The following BFSP1 variants were observed in gnomAD, a reference collection of about 807,000 sequenced individuals.
BFSP1 encodes filensin.
A neutral mutation model predicts 43.9 loss-of-function variants in BFSP1; 38 were observed. That is an observed-to-expected ratio of 0.87 (90% CI 0.67 to 1.14). The LOEUF (loss-of-function observed/expected upper bound fraction) is 1.14. BFSP1 is among the 50% of genes most tolerant of loss of function. The pLI is 0.00. For missense variants in BFSP1, 850 were observed against 875.1 expected (o/e 0.97, Z 0.36); for synonymous variants, 352 against 354.8 (o/e 0.99, Z 0.09).
upstream of BFSP1, among the ~76,000 whole-genome samples, chr20:17,533,401 TG>T (rs1312165035): frequency 2.0e-5 from 3 of 152,196 alleles, no homozygotes; most frequent in Non-Finnish European, 2.9e-5. Flanking sequence ...AGTCAAATAT[TG>T]CTACAGAACA....
At chr20:17,537,568 C>CAAAAAAAAA (rs901895418) in intron 1 of BFSP1, among the ~76,000 whole-genome samples, 20 of 63,816 alleles carry the variant, frequency 3.1e-4, no homozygotes, top group African/African-American at 4.0e-4. Context: ...ACTGAAGCAC[C>CAAAAAAAAA]AAAAAAAAAA....
At chr20:17,515,043 A>G (rs1233335650) in intron 2 of BFSP1, among the ~76,000 whole-genome samples, 2 of 152,174 alleles carry the variant, frequency 1.3e-5, no homozygotes. Flanking sequence ...TTGCCCCCCA[A>G]GGGGACATTT....
intron 4 of BFSP1, among the ~76,000 whole-genome samples, chr20:17,510,202 G>C (rs997143827): frequency 1.3e-5 from 2 of 152,218 alleles, no homozygotes; most frequent in Non-Finnish European, 2.9e-5. Context: ...CAGTGGGTCT[G>C]AGGCTGGACT....
intron 3 of BFSP1, 140 bp downstream of exon 3, chr20:17,514,581 T>A (rs910906149): frequency 2.6e-6 from 2 of 777,030 alleles, no homozygotes; most frequent in African/African-American, 3.4e-5. Flanking sequence ...CAGTGACCAA[T>A]TCACCCCTAT....
intron 3 of BFSP1, among the ~76,000 whole-genome samples, chr20:17,512,393 G>A (rs2034105636): frequency 7.0e-6 from 1 of 143,846 alleles, no homozygotes; most frequent in African/African-American, 2.6e-5. Flanking sequence ...AAAGCCCTGG[G>A]TGGCGGAGGC....
rs1439540750 is a variant in BFSP1 at position 17,494,086 on chromosome 20, C to T, written c.1986G>A (p.Glu662=). 1.9e-6 allele frequency: 3 copies of T among 1,612,378 alleles called. No homozygotes were observed. The highest frequency in any genetic ancestry group is 4.5e-5 in the East Asian group (2 of 44,862). ...AAGCCTGGGCATTTTAAGAGCTCTT[C>T]TCTCCTGATTTCTTCTTGTCTGACT... is the stretch of plus-strand genomic sequence containing the variant. ...KTKSDKKKSG[E]KSS The change falls in exon 8 of 8, where the codon GAG becomes GAA. Residue 662 remains glutamate (E), a synonymous_variant. Transcript: ENST00000377873.
chr20:17,494,157 A>C lies in BFSP1; in HGVS notation c.1915T>G (p.Tyr639Asp). The change falls in exon 8 of 8, where the codon TAT (tyrosine) becomes GAT (aspartate). Residue 639 changes from tyrosine to aspartate, a missense_variant. Tyr to Asp is a radical substitution (Grantham distance 160). Transcript: ENST00000377873. The part of the protein sequence containing the change: ...EKISTESIQT[Y>D]EETAVIVETM... ...TCCACGATCACAGCGGTTTCTTCAT[A>C]TGTCTGAATGCTCTCCGTGGAAATC... is the stretch of plus-strand genomic sequence containing the variant. The C allele has an allele frequency of 6.2e-7, 1 of 1,614,132 alleles. No homozygotes were observed.
At chr20:17,540,781 G>A (rs1223130202) in intron 1 of BFSP1, among the ~76,000 whole-genome samples, 1 of 152,130 alleles carries the variant, frequency 6.6e-6, no homozygotes, top group East Asian at 1.9e-4. Context: ...AGATCAAAAA[G>A]ACTCCCTTCC....
intron 1 of BFSP1, among the ~76,000 whole-genome samples, chr20:17,527,750 A>AAG (rs10604740): frequency 2.0e-5 from 3 of 150,504 alleles, no homozygotes; most frequent in East Asian, 1.9e-4. Context: ...AAAATAAAAT[A>AAG]AGAGAGAGAG....
intron 2 of BFSP1, among the ~76,000 whole-genome samples, chr20:17,518,225 A>G (rs1264188379): frequency 6.6e-6 from 1 of 152,260 alleles, no homozygotes; most frequent in Non-Finnish European, 1.5e-5. Flanking sequence ...AAAAAGGGAC[A>G]CATTTTTCCA....
upstream of BFSP1, among the ~76,000 whole-genome samples, chr20:17,535,529 C>T (rs1285061246): frequency 6.6e-6 from 1 of 151,712 alleles, no homozygotes. Flanking sequence ...GACTTCATCT[C>T]AAAAAAAGGA....
At chr20:17,560,724 G>C (rs1600688888), upstream of BFSP1, 1 of 152,268 alleles carries the variant, frequency 6.6e-6, no homozygotes, top group Non-Finnish European at 1.5e-5. Context: ...CCTCTGGGGT[G>C]GGCGCTTTGC....
rs116127532 is a variant in BFSP1, at chr20:17,516,001, C to T, written c.439-1185G>A. ...CCCCACCCTTGTGCTACTAGGGTTT[C>T]GGTCTGGCAAGGCCTTGAGACTGCA... On this transcript the variant is annotated intron_variant, in intron 2 of 7. Transcript: ENST00000377873. Among the ~76,000 whole-genome samples, 210 of 152,256 alleles carry T rather than the reference C, an allele frequency of 1.4e-3. 1 individual carries two copies. The highest frequency in any genetic ancestry group is 4.9e-3 in the African/African-American group (204 of 41,570).
At chr20:17,501,001 G>A (rs570613315) in intron 5 of BFSP1, among the ~76,000 whole-genome samples, 2 of 152,152 alleles carry the variant, frequency 1.3e-5, no homozygotes, top group South Asian at 2.1e-4. Flanking sequence ...CAGCAGGGAT[G>A]GGGGGCCGGA....
chr20:17,556,742 G>T (rs1001150104), intron 1 of BFSP1, among the ~76,000 whole-genome samples: 2 of 151,730 alleles, frequency 1.3e-5, no homozygotes, highest in African/African-American at 4.8e-5. Context: ...GACATTCCCA[G>T]ATAATTTATA....
intron 4 of BFSP1, 79 bp downstream of exon 4, chr20:17,511,897 C>T: frequency 7.5e-7 from 1 of 1,326,346 alleles, no homozygotes; most frequent in South Asian, 1.3e-5. Context: ...CACAGTCCAA[C>T]CTGTGAGCCC....
chr20:17,564,277 G>A (rs1352530070), intron 1 of BFSP1, among the ~76,000 whole-genome samples: 1 of 151,294 alleles, frequency 6.6e-6, no homozygotes, highest in Non-Finnish European at 1.5e-5. Context: ...TGAGATTGGA[G>A]GATTGCTTGA....
At chr20:17,537,759 G>T (rs2034652841) in intron 1 of BFSP1, among the ~76,000 whole-genome samples, 5 of 151,958 alleles carry the variant, frequency 3.3e-5, no homozygotes, top group Admixed American at 3.3e-4. Flanking sequence ...ATGGAATGAG[G>T]ATTGATAAAA....
intron 5 of BFSP1, among the ~76,000 whole-genome samples, chr20:17,508,670 T>C (rs952143566): frequency 2.0e-5 from 3 of 152,206 alleles, no homozygotes; most frequent in African/African-American, 7.2e-5. Context: ...GTGGCACCTG[T>C]GTCCCCCAGC....
Sources: allele counts gnomAD v4.1 joint callset (sites outside exome capture counted in the v4.1 genomes callset), GRCh38; gene constraint gnomAD v4.1.1; transcripts MANE v1.5; gene names NCBI Gene and HGNC (gene_info 2026-07-23, HGNC 2026-07-21).